NME7: variants seen among roughly 807,000 people sequenced by gnomAD.
NME7 encodes the protein nucleoside diphosphate kinase 7.
In NME7, 41 loss-of-function variants were observed where a neutral mutation model predicts 49.1. The observed-to-expected ratio is 0.83, with a 90% CI of 0.65 to 1.08. The LOEUF (loss-of-function observed/expected upper bound fraction) is 1.08. Ranked by LOEUF, NME7 falls within the 50% of genes least tolerant of loss-of-function variation. The pLI is 0.00. For missense variants in NME7, 423 were observed against 463.4 expected (o/e 0.91, Z 0.80); for synonymous variants, 139 against 150.6 (o/e 0.92, Z 0.56).
In NME7 at chr1:169,214,585, G is replaced by C. The variant is rs79702134; in HGVS notation, c.990+16133C>G. 6.6e-3 allele frequency among the ~76,000 whole-genome samples: 1,009 copies of C among 152,270 alleles called. 10 individuals carry two copies. Among genetic ancestry groups the C allele is most frequent in the African/African-American group, 0.022 (931 of 41,558 alleles). On this transcript the variant is annotated intron_variant, in intron 10 of 11. Coordinates refer to ENST00000367811, the MANE Select transcript of NME7 (RefSeq NM_013330.5). Reference sequence around the variant, plus strand: ...TAACTTTATTTAAAAAGAGAGGAAAGAGAAAAGAAAAAGGCTTTGTAACTT... The same window carrying C: ...TAACTTTATTTAAAAAGAGAGGAAACAGAAAAGAAAAAGGCTTTGTAACTT...
At chr1:169,266,310 T>A (rs1311383712) in intron 7 of NME7, among the ~76,000 whole-genome samples, 1 of 133,358 alleles carries the variant, frequency 7.5e-6, no homozygotes, top group Non-Finnish European at 1.8e-5. Flanking sequence ...TAGTTCAACA[T>A]ACACAAATCA....
chr1:169,323,927 C>T (rs1006697012), intron 2 of NME7, among the ~76,000 whole-genome samples: 1 of 145,580 alleles, frequency 6.9e-6, no homozygotes, highest in Non-Finnish European at 1.5e-5. Context: ...GATCTCAGCT[C>T]ACTGCCACCT....
intron 10 of NME7, among the ~76,000 whole-genome samples, chr1:169,180,293 G>C (rs1046598980): frequency 6.6e-6 from 1 of 152,170 alleles, no homozygotes; most frequent in African/African-American, 2.4e-5. Flanking sequence ...CTAACAATGA[G>C]GCACTTATAT....
At chr1:169,285,240 A>G (rs550704313) in intron 7 of NME7, 7 of 152,134 alleles carry the variant, frequency 4.6e-5, no homozygotes, top group Non-Finnish European at 8.8e-5. Flanking sequence ...TGAAAATGCT[A>G]CAACGACCAT....
At chr1:169,249,417 T>G (rs925701438) in intron 7 of NME7, among the ~76,000 whole-genome samples, 2 of 152,106 alleles carry the variant, frequency 1.3e-5, no homozygotes, top group African/African-American at 4.8e-5. Flanking sequence ...TACAGTCATA[T>G]TATTCATGAA....
At chr1:169,192,857 T>G (rs1208489109) in intron 10 of NME7, among the ~76,000 whole-genome samples, 1 of 152,140 alleles carries the variant, frequency 6.6e-6, no homozygotes, top group African/African-American at 2.4e-5. Context: ...TATATTAAAT[T>G]TAGGATTTAT....
intron 7 of NME7, among the ~76,000 whole-genome samples, chr1:169,237,925 C>G (rs966502106): frequency 3.3e-5 from 5 of 151,970 alleles, no homozygotes; most frequent in Admixed American, 2.0e-4. Context: ...ATGCAAAAAA[C>G]TTTTAAGATA....
intron 10 of NME7, among the ~76,000 whole-genome samples, chr1:169,210,457 A>G (rs996509502): frequency 1.3e-5 from 2 of 152,166 alleles, no homozygotes; most frequent in Non-Finnish European, 2.9e-5. Context: ...ATAATTCTGT[A>G]TCAGATGTGT....
chr1:169,367,556 G>C (rs950504330), intron 1 of NME7, 152 bp downstream of exon 1: 7 of 819,434 alleles, frequency 8.5e-6, no homozygotes, highest in East Asian at 2.4e-5. Flanking sequence ...AGAGCGAGGA[G>C]ACTGCAGGAA....
At chr1:169,259,138 A>G (rs1273237401) in intron 7 of NME7, among the ~76,000 whole-genome samples, 1 of 133,890 alleles carries the variant, frequency 7.5e-6, no homozygotes, top group Admixed American at 7.3e-5. Flanking sequence ...ATGGTAAAAT[A>G]TATAACAGAT....
intron 6 of NME7, among the ~76,000 whole-genome samples, chr1:169,298,157 G>GA (rs1405762073): frequency 6.6e-6 from 1 of 152,078 alleles, no homozygotes; most frequent in Non-Finnish European, 1.5e-5. Flanking sequence ...AAAATAATAG[G>GA]ATGTTAAGCT....
At chr1:169,195,504 T>C (rs1469385335) in intron 10 of NME7, among the ~76,000 whole-genome samples, 1 of 152,212 alleles carries the variant, frequency 6.6e-6, no homozygotes. Flanking sequence ...TGAGCCACTA[T>C]GTCTGGTCAA....
At chr1:169,261,939 C>T (rs7529148) in intron 7 of NME7, among the ~76,000 whole-genome samples, 1,706 of 134,156 alleles carry the variant, frequency 0.013, 430 homozygotes, top group Non-Finnish European at 0.023. Flanking sequence ...AGGTTCTAGT[C>T]TCACGTCCCA....
intron 1 of NME7, among the ~76,000 whole-genome samples, chr1:169,333,185 A>G (rs1652324187): frequency 6.6e-6 from 1 of 152,164 alleles, no homozygotes; most frequent in Non-Finnish European, 1.5e-5. Flanking sequence ...TCATTATGTT[A>G]AGTGAAATAA....
At chr1:169,228,815 TTTA>T (rs533760462) in intron 10 of NME7, among the ~76,000 whole-genome samples, 8 of 152,272 alleles carry the variant, frequency 5.3e-5, no homozygotes, top group African/African-American at 1.9e-4. Context: ...CCCTTCCTAA[TTTA>T]TTATAATTAA....
chr1:169,133,797 ACAT>A (rs1231834796), intron 11 of NME7, among the ~76,000 whole-genome samples: 3 of 152,314 alleles, frequency 2.0e-5, no homozygotes, highest in South Asian at 2.1e-4. Context: ...TCTTGCAGAA[ACAT>A]CAGCTCATTT....
At chr1:169,199,587 G>T (rs1019237875) in intron 10 of NME7, among the ~76,000 whole-genome samples, 1 of 151,518 alleles carries the variant, frequency 6.6e-6, no homozygotes, top group Non-Finnish European at 1.5e-5. Context: ...CCAAGTAGCT[G>T]AGTCTAAAGT....
chr1:169,343,241 T>C (rs1367761214), intron 1 of NME7, among the ~76,000 whole-genome samples: 1 of 151,864 alleles, frequency 6.6e-6, no homozygotes, highest in African/African-American at 2.4e-5. Context: ...TTTATAGTTA[T>C]AGCCCTTACA....
intron 11 of NME7, among the ~76,000 whole-genome samples, chr1:169,155,755 C>T (rs1659048484): frequency 7.3e-6 from 1 of 136,286 alleles, no homozygotes. Context: ...GGTTTTATTA[C>T]TGTTTAGTTT....
Sources: allele counts gnomAD v4.1 joint callset (sites outside exome capture counted in the v4.1 genomes callset), GRCh38; gene constraint gnomAD v4.1.1; transcripts MANE v1.5; gene names NCBI Gene and HGNC (gene_info 2026-07-23, HGNC 2026-07-21).